The following TSHZ2 variants were observed in gnomAD, a reference collection of about 807,000 sequenced individuals.
TSHZ2 encodes teashirt homolog 2.
Under a neutral mutation model 74.4 loss-of-function variants are expected in TSHZ2, and 21 were observed. That is an observed-to-expected ratio of 0.28 (90% confidence interval 0.20 to 0.41). The LOEUF is 0.41. TSHZ2 is among the 10% of genes least tolerant of loss of function. The pLI is 1.00. For missense variants in TSHZ2, 1,244 were observed against 1,293.5 expected (o/e 0.96, Z 0.59); for synonymous variants, 540 against 515.3 (o/e 1.05, Z -0.65).
rs146698846 is a variant in TSHZ2, at chr20:53,170,680, A to T, written c.41-82819A>T. ...AATGTAACCCCAGTTGTGAACGCTG[A>T]AATGTGTGGTATGAAAAAAGGTTTC... On this transcript the variant is annotated intron_variant, in intron 1 of 2. Coordinates refer to ENST00000371497, the MANE Select transcript of TSHZ2 (RefSeq NM_173485.6). 2.2e-3 allele frequency among the ~76,000 whole-genome samples: 337 copies of T among 152,334 alleles called. 2 individuals carry two copies. Among genetic ancestry groups the T allele is most frequent in the Middle Eastern group, 0.01 (3 of 294 alleles).
chr20:52,982,130 G>A (rs193030215), intron 1 of TSHZ2, among the ~76,000 whole-genome samples: 2 of 152,312 alleles, frequency 1.3e-5, no homozygotes, highest in Admixed American at 1.3e-4. Flanking sequence ...CAGAGGAGGG[G>A]ACATCTGGGC....
chr20:53,154,246 C>T (rs942268938), intron 1 of TSHZ2, among the ~76,000 whole-genome samples: 1 of 151,942 alleles, frequency 6.6e-6, no homozygotes, highest in African/African-American at 2.4e-5. Context: ...GCAACTCCCC[C>T]AAAACTTTAG....
At chr20:52,983,894 A>G (rs780504918) in intron 1 of TSHZ2, among the ~76,000 whole-genome samples, 2 of 151,990 alleles carry the variant, frequency 1.3e-5, no homozygotes, top group Non-Finnish European at 2.9e-5. Flanking sequence ...GGACCTGGCA[A>G]CTCTGTCCCT....
chr20:53,089,408 C>T (rs6097221), intron 1 of TSHZ2, among the ~76,000 whole-genome samples: 15 of 149,100 alleles, frequency 1.0e-4, no homozygotes, highest in African/African-American at 2.2e-4. Context: ...CATTTTGCAC[C>T]GTAATAGAAA....
intron 1 of TSHZ2, among the ~76,000 whole-genome samples, chr20:53,020,489 G>A (rs539809443): frequency 1.5e-4 from 23 of 152,240 alleles, no homozygotes; most frequent in Non-Finnish European, 2.5e-4. Flanking sequence ...AACCACCTTC[G>A]TTTCTGCTGT....
intron 1 of TSHZ2, among the ~76,000 whole-genome samples, chr20:53,015,978 T>C (rs1983026950): frequency 6.6e-6 from 1 of 152,100 alleles, no homozygotes; most frequent in East Asian, 1.9e-4. Flanking sequence ...GATTTAATGA[T>C]AAATAATCAT....
At chr20:53,297,947 T>C (rs1991410263) in intron 2 of TSHZ2, among the ~76,000 whole-genome samples, 2 of 152,362 alleles carry the variant, frequency 1.3e-5, no homozygotes, top group African/African-American at 2.4e-5. Context: ...TATGAAATTG[T>C]ACAAAATGTC....
At chr20:53,435,574 C>T (rs1255798571) in intron 2 of TSHZ2, among the ~76,000 whole-genome samples, 3 of 152,148 alleles carry the variant, frequency 2.0e-5, no homozygotes, top group Non-Finnish European at 4.4e-5. Context: ...AGTGCAGTGG[C>T]GCGATCTTGG....
At chr20:53,314,622 CTTT>C (rs11475290) in intron 2 of TSHZ2, among the ~76,000 whole-genome samples, 7 of 126,634 alleles carry the variant, frequency 5.5e-5, no homozygotes, top group Admixed American at 8.1e-5. Flanking sequence ...GTAGTCCTAG[CTTT>C]TTTTTTTTTT....
chr20:53,261,492 A>C (rs1990599981), intron 2 of TSHZ2, among the ~76,000 whole-genome samples: 1 of 152,220 alleles, frequency 6.6e-6, no homozygotes, highest in Non-Finnish European at 1.5e-5. Context: ...GGAAATGAGA[A>C]CTGAGGAAAC....
chr20:53,313,537 A>C (rs1978875169), intron 2 of TSHZ2, among the ~76,000 whole-genome samples: 1 of 152,162 alleles, frequency 6.6e-6, no homozygotes. Context: ...TGTGCCTGCC[A>C]GCTCTCCATC....
intron 2 of TSHZ2, among the ~76,000 whole-genome samples, chr20:53,337,168 G>A (rs6097367): frequency 6.6e-6 from 1 of 152,182 alleles, no homozygotes; most frequent in Non-Finnish European, 1.5e-5. Flanking sequence ...GTCTTCCTCA[G>A]GAAAAGCTCC....
intron 1 of TSHZ2, among the ~76,000 whole-genome samples, chr20:53,225,571 G>A (rs1208371496): frequency 1.3e-5 from 2 of 152,218 alleles, no homozygotes; most frequent in African/African-American, 2.4e-5. Flanking sequence ...GGTCTGCAAA[G>A]CATTTTATTA....
At chr20:53,049,067 A>G (rs1435192290) in intron 1 of TSHZ2, among the ~76,000 whole-genome samples, 1 of 152,164 alleles carries the variant, frequency 6.6e-6, no homozygotes, top group Non-Finnish European at 1.5e-5. Context: ...TGTTGGGAGT[A>G]TTCATTGACA....
chr20:53,386,314 C>T (rs924844036), intron 2 of TSHZ2, among the ~76,000 whole-genome samples: 1 of 152,200 alleles, frequency 6.6e-6, no homozygotes, highest in East Asian at 1.9e-4. Context: ...GTGTTCTTTC[C>T]ACTTCTTCTA....
At chr20:53,332,079 G>A (rs1290107148) in intron 2 of TSHZ2, among the ~76,000 whole-genome samples, 1 of 152,118 alleles carries the variant, frequency 6.6e-6, no homozygotes, top group Non-Finnish European at 1.5e-5. Context: ...AGAAGGCAGG[G>A]TGGGGAAGGG....
intron 1 of TSHZ2, among the ~76,000 whole-genome samples, chr20:52,996,462 A>G (rs1297228628): frequency 2.0e-5 from 3 of 152,056 alleles, no homozygotes; most frequent in Non-Finnish European, 4.4e-5. Flanking sequence ...GGAGGAAAAA[A>G]ATGACTGTAT....
chr20:53,128,472 T>C (rs759918112), intron 1 of TSHZ2, among the ~76,000 whole-genome samples: 33 of 152,188 alleles, frequency 2.2e-4, no homozygotes, highest in Non-Finnish European at 4.4e-4. Context: ...AGTAGATTGC[T>C]ATAAAACATT....
At chr20:53,452,593 T>C (rs1405025715) in intron 2 of TSHZ2, among the ~76,000 whole-genome samples, 6 of 108,928 alleles carry the variant, frequency 5.5e-5, no homozygotes, top group South Asian at 6.9e-4. Flanking sequence ...AGTGAGACTC[T>C]GTCTCAAAAA....
Sources: gnomAD v4.1 joint callset for allele counts (sites outside exome capture counted in the v4.1 genomes callset) on GRCh38, gnomAD v4.1.1 for gene constraint, MANE v1.5 for transcripts, NCBI Gene and HGNC (gene_info 2026-07-23, HGNC 2026-07-21) for gene names.